The following DOCK2 variants were observed in gnomAD, a reference collection of about 807,000 sequenced individuals.
The protein encoded by DOCK2 is dedicator of cytokinesis 2.
A neutral mutation model predicts 248.9 loss-of-function variants in DOCK2; 87 were observed. That is an observed-to-expected ratio of 0.35 (90% CI 0.29 to 0.42). The LOEUF (loss-of-function observed/expected upper bound fraction) is 0.42. Among genes scored for constraint, DOCK2 ranks in the 10% least tolerant of loss-of-function variants. The probability of loss-of-function intolerance (pLI) is 1.00; values close to 1 mark genes in which losing one functional copy is unlikely to be tolerated. For synonymous variants in DOCK2, 805 were observed against 821.6 expected, an observed-to-expected ratio of 0.98 and a Z score of 0.35; for missense variants, 1,747 against 2,300.2, an observed-to-expected ratio of 0.76 and a Z score of 4.92.
chr5:169,895,753 C>G (rs537820617), intron 27 of DOCK2, among the ~76,000 whole-genome samples: 1 of 152,284 alleles, frequency 6.6e-6, no homozygotes, highest in South Asian at 2.1e-4. Context: ...TACACCTAAA[C>G]TTGCTGAATG....
At chr5:170,025,564 G>C (rs1156770361) in intron 33 of DOCK2, among the ~76,000 whole-genome samples, 1 of 152,206 alleles carries the variant, frequency 6.6e-6, no homozygotes, top group Non-Finnish European at 1.5e-5. Flanking sequence ...TCATTGTATA[G>C]CCCCTTAGCT....
At chr5:169,652,899 G>A (rs1261661901) in intron 1 of DOCK2, among the ~76,000 whole-genome samples, 1 of 152,178 alleles carries the variant, frequency 6.6e-6, no homozygotes, top group Non-Finnish European at 1.5e-5. Context: ...AGCAGCATTG[G>A]CTATTTAGAC....
intron 26 of DOCK2, among the ~76,000 whole-genome samples, chr5:169,830,429 G>A (rs1383170059): frequency 2.0e-5 from 3 of 152,198 alleles, no homozygotes; most frequent in African/African-American, 4.8e-5. Flanking sequence ...AAAGCACACA[G>A]CCCATTGCCC....
chr5:169,730,884 C>T (rs375713132), intron 22 of DOCK2, among the ~76,000 whole-genome samples: 17 of 132,508 alleles, frequency 1.3e-4, no homozygotes, highest in African/African-American at 5.8e-4. Context: ...CACTCTCTCT[C>T]TCTCTCTTTT....
At chr5:169,655,316 T>C (rs758151191) in intron 2 of DOCK2, among the ~76,000 whole-genome samples, 8 of 152,160 alleles carry the variant, frequency 5.3e-5, no homozygotes, top group Non-Finnish European at 1.0e-4. Flanking sequence ...GCTTCCTGTG[T>C]CTCGGCAGAG....
chr5:169,835,556 A>G (rs1480911418), intron 26 of DOCK2, among the ~76,000 whole-genome samples: 3 of 152,056 alleles, frequency 2.0e-5, no homozygotes, highest in African/African-American at 7.2e-5. Context: ...GGCCTGGCCA[A>G]AATGCTTGTT....
intron 8 of DOCK2, among the ~76,000 whole-genome samples, chr5:169,687,073 G>A (rs1760027997): frequency 6.6e-6 from 1 of 152,096 alleles, no homozygotes; most frequent in Admixed American, 6.5e-5. Flanking sequence ...TTATGATTGT[G>A]CTTCTCCTGG....
chr5:169,688,144 T>C (rs1362603350), intron 8 of DOCK2, among the ~76,000 whole-genome samples: 1 of 152,204 alleles, frequency 6.6e-6, no homozygotes, highest in Non-Finnish European at 1.5e-5. Context: ...CAAGCTGGTC[T>C]TGAACTCCTG....
chr5:169,758,017 T>G (rs755281857), intron 23 of DOCK2, among the ~76,000 whole-genome samples: 3 of 152,232 alleles, frequency 2.0e-5, no homozygotes, highest in Non-Finnish European at 4.4e-5. Flanking sequence ...CTAATTCTTC[T>G]TTGAACAATC....
chr5:169,827,035 C>A (rs913306107), intron 26 of DOCK2, among the ~76,000 whole-genome samples: 2 of 151,328 alleles, frequency 1.3e-5, no homozygotes, highest in Admixed American at 1.3e-4. Flanking sequence ...GGTACCACTC[C>A]GTATTGAAAT....
chr5:169,654,788 C>T (rs145786696), intron 2 of DOCK2, among the ~76,000 whole-genome samples: 1,989 of 152,222 alleles, frequency 0.013, 19 homozygotes, highest in Non-Finnish European at 0.02. Context: ...ATTAATATCA[C>T]GATAAAGGGA....
chr5:169,990,162 G>A (rs181901394), intron 29 of DOCK2, among the ~76,000 whole-genome samples: 6 of 151,824 alleles, frequency 4.0e-5, no homozygotes, highest in East Asian at 1.9e-4. Context: ...GCAATGGCAC[G>A]ATCTCAGCTC....
At chr5:170,048,313 C>T (rs1402688352) in intron 40 of DOCK2, among the ~76,000 whole-genome samples, 1 of 152,096 alleles carries the variant, frequency 6.6e-6, no homozygotes, top group East Asian at 1.9e-4. Flanking sequence ...ATTACCTGAA[C>T]CCAGGAGGTT....
At chr5:169,948,194 T>A (rs1036004612) in intron 27 of DOCK2, among the ~76,000 whole-genome samples, 1 of 152,172 alleles carries the variant, frequency 6.6e-6, no homozygotes, top group Non-Finnish European at 1.5e-5. Context: ...TAGTTATTTG[T>A]CTGCTGTGAC....
At chr5:169,638,647 C>T (rs1756980409) in intron 1 of DOCK2, among the ~76,000 whole-genome samples, 1 of 152,202 alleles carries the variant, frequency 6.6e-6, no homozygotes, top group African/African-American at 2.4e-5. Flanking sequence ...TACCTAGCAG[C>T]TTCAGAACCA....
intron 1 of DOCK2, among the ~76,000 whole-genome samples, chr5:169,646,702 C>T (rs1757490843): frequency 6.6e-6 from 1 of 152,212 alleles, no homozygotes; most frequent in Non-Finnish European, 1.5e-5. Context: ...TTAAAATATG[C>T]ACATGTGCAG....
At chr5:170,062,662 A>G (rs761065291) in intron 44 of DOCK2, among the ~76,000 whole-genome samples, 1 of 152,188 alleles carries the variant, frequency 6.6e-6, no homozygotes, top group Admixed American at 6.5e-5. Context: ...CTCTTAACTT[A>G]TCAACTCTGA....
intron 27 of DOCK2, chr5:169,884,951 T>C (rs1772880404): frequency 6.6e-6 from 1 of 152,212 alleles, no homozygotes; most frequent in Non-Finnish European, 1.5e-5. Context: ...GGCCTTTCTC[T>C]CGGTTCTCTT....
rs1054136450 is a variant in DOCK2 at position 169,707,028 on chromosome 5, C to T, written c.1384-1141C>T. Among the ~76,000 whole-genome samples the T allele has an allele frequency of 2.6e-5, 4 of 152,208 alleles. No homozygotes were observed. The East Asian group carries it at 7.7e-4, about 29-fold the overall frequency. ...CACCATCAACATGCCGAGAGGCACA[C>T]AGTTTGCAATTTCAGGGGCTGGGGC... On this transcript the variant is annotated intron_variant, in intron 14 of 51. Transcript: ENST00000520908.
Sources: allele counts gnomAD v4.1 joint callset (sites outside exome capture counted in the v4.1 genomes callset), GRCh38; gene constraint gnomAD v4.1.1; transcripts MANE v1.5; gene names NCBI Gene and HGNC (gene_info 2026-07-23, HGNC 2026-07-21).